P2RY8: variants seen among roughly 807,000 people sequenced by gnomAD.
P2RY8 encodes the protein S-geranylgeranyl-glutathione receptor P2RY8.
P2RY8 carries 6 observed loss-of-function variants against 10.0 expected under a neutral mutation model. The observed-to-expected ratio is 0.60, with a 90% CI of 0.33 to 1.19. P2RY8 has a LOEUF of 1.19. P2RY8 is among the 50% of genes most tolerant of loss of function. The probability of loss-of-function intolerance (pLI) is 0.04; values close to 1 mark genes in which losing one functional copy is unlikely to be tolerated. For missense variants in P2RY8, 456 were observed against 542.0 expected, an observed-to-expected ratio of 0.84 and a Z score of 1.58; for synonymous variants, 276 against 252.5, an observed-to-expected ratio of 1.09 and a Z score of -0.88.
In P2RY8 at chrX:1,465,614, T is replaced by C. The variant is rs1434111927; in HGVS notation, c.945A>G (p.Arg315=). ...TCTCGCGGCGCGTGTCCAGGGTGTC[T>C]CTGGGCACCCGGCGGCAGCCCAAAT... ...REYLGCRRVP[R]DTLDTRRESL... is the part of the protein sequence containing the mutation. The change falls in exon 2 of 2, where the codon AGA becomes AGG. Residue 315 remains arginine, a synonymous_variant. Transcript: ENST00000381297. The C allele has an allele frequency of 6.2e-7, 1 of 1,613,178 alleles. No individual in the cohort carries two copies. The highest frequency in any genetic ancestry group is 1.3e-5 in the African/African-American group (1 of 74,918).
At chrX:1,469,379 C>T (rs1261028957) in intron 1 of P2RY8, among the ~76,000 whole-genome samples, 2 of 151,762 alleles carry the variant, frequency 1.3e-5, no homozygotes, top group African/African-American at 4.8e-5. Flanking sequence ...GTTAACCAGG[C>T]TGGTCTTGAA....
intron 1 of P2RY8, among the ~76,000 whole-genome samples, chrX:1,484,451 G>T (rs1395722289): frequency 6.6e-6 from 1 of 152,074 alleles, no homozygotes. Flanking sequence ...TACAGGCCGG[G>T]CGCGGTGGCT....
intron 1 of P2RY8, among the ~76,000 whole-genome samples, chrX:1,494,770 G>A (rs1314065276): frequency 1.9e-4 from 29 of 152,012 alleles, no homozygotes; most frequent in Non-Finnish European, 4.0e-4. Flanking sequence ...CAATGGCACC[G>A]TCTCCGCTCA....
rs189426307 is a variant in P2RY8, at chrX:1,467,831, A to T, written c.-24-1249T>A. ...AGTTGGGACTACAGGTGAGAGTACA[A>T]CCACGCCCAGCTAATATTTTTATTT... is the stretch of plus-strand genomic sequence containing the variant. On this transcript the variant is annotated intron_variant, in intron 1 of 1. Coordinates refer to ENST00000381297, the MANE Select transcript of P2RY8 (RefSeq NM_178129.5). 6.9e-3 allele frequency among the ~76,000 whole-genome samples: 1,024 copies of T among 149,276 alleles called. 15 individuals are homozygous for T. The highest frequency in any genetic ancestry group is 0.024 in the African/African-American group (963 of 40,452).
Position 1,464,275 on chromosome X carries a change from C to T in P2RY8, c.*1204G>A. 4.3e-6 allele frequency: 1 copy of T among 233,242 alleles called. No homozygotes were observed. Among genetic ancestry groups the T allele is most frequent in the African/African-American group, 2.2e-5 (1 of 45,364 alleles). The allele number at this position is 233,242 out of a possible 1,614,324, so 14.4% of individuals were successfully genotyped here. A position where few individuals can be genotyped will look rare whatever the true frequency, so the allele number is the denominator to read the frequency against. On this transcript the variant is annotated 3_prime_UTR_variant, in exon 2 of 2. Coordinates refer to ENST00000381297, the MANE Select transcript of P2RY8 (RefSeq NM_178129.5). ...AGTCAGAGCTCTTCTTTGCGCTAAA[C>T]CAGCTCAGGTGTTGGGGCTGGTGCA... is the stretch of plus-strand genomic sequence containing the variant.
In P2RY8 at chrX:1,477,377, TTCTC is replaced by T. The variant is rs201681632; in HGVS notation, c.-24-10799_-24-10796del. Among the ~76,000 whole-genome samples, 606 of 151,636 alleles carry T rather than the reference TTCTC, an allele frequency of 4.0e-3. 2 individuals carry two copies. Among genetic ancestry groups the T allele is most frequent in the African/African-American group, 0.014 (576 of 40,980 alleles). On this transcript the variant is annotated intron_variant, in intron 1 of 1. Coordinates refer to ENST00000381297, the MANE Select transcript of P2RY8 (RefSeq NM_178129.5). ...TCGATCATCTATCTACCTATCAATT[TTCTC>T]TCTATCAATTACTTATCTATCTAGC...
At chrX:1,487,948 A>G (rs1464617490) in intron 1 of P2RY8, among the ~76,000 whole-genome samples, 2 of 152,088 alleles carry the variant, frequency 1.3e-5, no homozygotes, top group African/African-American at 4.8e-5. Context: ...GTCTCTACTA[A>G]AACTATAAAA....
At chrX:1,499,161 TTC>T (rs758621181) in intron 1 of P2RY8, among the ~76,000 whole-genome samples, 53,609 of 124,174 alleles carry the variant, frequency 0.43, 12,056 homozygotes, top group Non-Finnish European at 0.54. Flanking sequence ...TCTTTTTCTT[TTC>T]TTTTTTTTTT....
At chrX:1,529,520 G>T (rs1439931900) in intron 1 of P2RY8, among the ~76,000 whole-genome samples, 6 of 152,050 alleles carry the variant, frequency 3.9e-5, no homozygotes, top group Non-Finnish European at 7.4e-5. Flanking sequence ...CCTGGGGCGT[G>T]GTGGGTGGAG....
rs183771087 is a variant in P2RY8, at chrX:1,515,618, G to A, written c.-25+21303C>T. The stretch of plus-strand genomic sequence containing the variant: ...ACTCCTGACCTCACGTGATCCACCC[G>A]CCTCGGCCTCCCAAAGTGCTGGGAT... On this transcript the variant is annotated intron_variant, in intron 1 of 1. Transcript: ENST00000381297. Among the ~76,000 whole-genome samples, 1,216 of 149,352 alleles carry A rather than the reference G, an allele frequency of 8.1e-3. 15 individuals are homozygous for A. Among genetic ancestry groups the A allele is most frequent in the East Asian group, 0.032 (156 of 4,864 alleles).
chrX:1,527,719 A>G (rs764280288), intron 1 of P2RY8, among the ~76,000 whole-genome samples: 46 of 152,140 alleles, frequency 3.0e-4, no homozygotes, highest in African/African-American at 9.9e-4. Flanking sequence ...CCATCCATCC[A>G]TCCATCCATC....
chrX:1,467,259 A>G (rs1179218144), intron 1 of P2RY8, among the ~76,000 whole-genome samples: 2 of 152,004 alleles, frequency 1.3e-5, no homozygotes, highest in African/African-American at 4.8e-5. Flanking sequence ...ACCCGCGTCA[A>G]CCCACGGCTC....
Position 1,466,366 on chromosome X carries a change from G to A in P2RY8, c.193C>T (p.Leu65=), listed in dbSNP as rs1164084513. ...GCCAGCATCAGGTCCGTGACGCTCA[G>A]GTTGATCATGAAGATGACCGACGGG... is the stretch of plus-strand genomic sequence containing the variant. ...RSPSVIFMIN[L]SVTDLMLASV... Residue 65 remains leucine (L), a synonymous_variant, in exon 2 of 2, where the codon CTG becomes TTG. Coordinates refer to ENST00000381297, the MANE Select transcript of P2RY8 (RefSeq NM_178129.5). The A allele has an allele frequency of 1.2e-6, 2 of 1,613,716 alleles. No homozygotes were observed. Among genetic ancestry groups the A allele is most frequent in the Admixed American group, 3.3e-5 (2 of 59,992 alleles).
rs758940911 is a variant in P2RY8 at position 1,465,671 on chromosome X, C to G, written c.888G>C (p.Ala296=). The change falls in exon 2 of 2, where the codon GCG becomes GCC. Residue 296 remains alanine (A), a synonymous_variant. Coordinates refer to ENST00000381297, the MANE Select transcript of P2RY8 (RefSeq NM_178129.5). ...GCAGGCGCAGCTGGAATTCCCGGGACGCAAAGTAATAAACAAACGGGTCCA... is the reference window on the plus strand; with the variant it reads ...GCAGGCGCAGCTGGAATTCCCGGGAGGCAAAGTAATAAACAAACGGGTCCA... ...NCLDPFVYYF[A]SREFQLRLRE... The G allele has an allele frequency of 3.1e-6, 5 of 1,613,594 alleles. No homozygotes were observed. The Admixed American group carries it at 8.3e-5, about 27-fold the overall frequency.
intron 1 of P2RY8, among the ~76,000 whole-genome samples, chrX:1,505,351 C>T (rs1377593547): frequency 6.6e-6 from 1 of 152,104 alleles, no homozygotes; most frequent in Non-Finnish European, 1.5e-5. Context: ...TTCCGTTGGC[C>T]TTGGCGTCTT....
rs1231627020 is a variant in P2RY8, at chrX:1,465,809, G to A, written c.750C>T (p.Phe250=). The A allele has an allele frequency of 1.2e-6, 2 of 1,613,336 alleles. No individual in the cohort carries two copies. Among genetic ancestry groups the A allele is most frequent in the African/African-American group, 1.3e-5 (1 of 75,046 alleles). ...AVVLLAFVTC[F]APNNFVLLAH... ...CCAGGAGCACGAAGTTGTTGGGGGC[G>A]AAGCAGGTGACAAAGGCCAGCAAGA... The change falls in exon 2 of 2, where the codon TTC becomes TTT. Residue 250 remains phenylalanine (F), a synonymous_variant. Coordinates refer to ENST00000381297, the MANE Select transcript of P2RY8 (RefSeq NM_178129.5).
At chrX:1,487,410 A>T (rs2091996618) in intron 1 of P2RY8, among the ~76,000 whole-genome samples, 1 of 143,114 alleles carries the variant, frequency 7.0e-6, no homozygotes, top group Admixed American at 7.3e-5. Flanking sequence ...CGCGCTTATC[A>T]TCTTTGCTTT....
intron 1 of P2RY8, among the ~76,000 whole-genome samples, chrX:1,467,956 G>A (rs1377492332): frequency 6.6e-6 from 1 of 151,564 alleles, no homozygotes; most frequent in Non-Finnish European, 1.5e-5. Context: ...TGGGACTACA[G>A]GTGACAGTAC....
At chrX:1,505,178 C>T (rs1461704372) in intron 1 of P2RY8, among the ~76,000 whole-genome samples, 15 of 150,694 alleles carry the variant, frequency 1.0e-4, no homozygotes, top group Admixed American at 4.0e-4. Context: ...TGCTCAACCT[C>T]AAATTGGAAA....
Sources: allele counts gnomAD v4.1 joint callset (sites outside exome capture counted in the v4.1 genomes callset), GRCh38; gene constraint gnomAD v4.1.1; transcripts MANE v1.5; gene names NCBI Gene and HGNC (gene_info 2026-07-23, HGNC 2026-07-21).